Variants in PRKCE observed in about 807,000 individuals in gnomAD.
PRKCE encodes the protein protein kinase C epsilon.
A neutral mutation model predicts 85.4 loss-of-function variants in PRKCE; 16 were observed. The ratio of observed to expected loss-of-function variants is 0.19; its 90% CI spans 0.13 to 0.28. The LOEUF is 0.28. PRKCE is among the 10% of genes least tolerant of loss of function. The probability of loss-of-function intolerance (pLI) is 1.00; values close to 1 mark genes in which losing one functional copy is unlikely to be tolerated. For missense variants in PRKCE, 573 were observed against 975.2 expected (o/e 0.59, Z 5.49); for synonymous variants, 388 against 371.5 (o/e 1.04, Z -0.51).
At chr2:45,917,975 G>T (rs1558832151) in intron 2 of PRKCE, among the ~76,000 whole-genome samples, 1 of 152,186 alleles carries the variant, frequency 6.6e-6, no homozygotes, top group East Asian at 1.9e-4. Flanking sequence ...CGAGTGCGGG[G>T]CCCGCCAAGC....
chr2:45,838,308 C>G (rs906365997), intron 1 of PRKCE, among the ~76,000 whole-genome samples: 4 of 152,214 alleles, frequency 2.6e-5, no homozygotes, highest in Non-Finnish European at 4.4e-5. Flanking sequence ...GACTTGCAAG[C>G]TCTGTTGACC....
chr2:46,138,749 T>C lies in PRKCE; in HGVS notation c.1593-6344T>C, dbSNP rs1424137661. The stretch of plus-strand genomic sequence containing the variant: ...GGGCATACTAATAGCACCTAATGCA[T>C]CTAATGCATAACATCTCATAGCATC... On this transcript the variant is annotated intron_variant, in intron 11 of 14. Transcript: ENST00000306156. This position sits in a 1 kb window ranked among gnomAD's most constrained non-coding sequence, Gnocchi z 4.2. 6.6e-6 allele frequency among the ~76,000 whole-genome samples: 1 copy of C among 152,126 alleles called. No individual in the cohort carries two copies. Among genetic ancestry groups the C allele is most frequent in the Non-Finnish European group, 1.5e-5 (1 of 68,012 alleles).
chr2:45,773,644 A>G (rs13002562), intron 1 of PRKCE, among the ~76,000 whole-genome samples: 100,497 of 152,054 alleles, frequency 0.66, 33,422 homozygotes, highest in East Asian at 0.83. Context: ...GTTTGGGAGC[A>G]TTCTAGAATT....
At chr2:45,911,741 T>C (rs1336767390) in intron 2 of PRKCE, among the ~76,000 whole-genome samples, 1 of 152,204 alleles carries the variant, frequency 6.6e-6, no homozygotes, top group Non-Finnish European at 1.5e-5. Flanking sequence ...AAAGGTGAGC[T>C]GGGCCTGCAT....
chr2:45,894,433 G>A (rs1358882304), intron 2 of PRKCE, among the ~76,000 whole-genome samples: 1 of 151,004 alleles, frequency 6.6e-6, no homozygotes, highest in African/African-American at 2.4e-5. Flanking sequence ...GGGCAAACTA[G>A]ATGGAATGCT....
chr2:45,713,390 A>G (rs1207653912), intron 1 of PRKCE, among the ~76,000 whole-genome samples: 5 of 151,902 alleles, frequency 3.3e-5, no homozygotes, highest in Admixed American at 1.3e-4. Context: ...AGCTGTAAAG[A>G]CTCATTATGT....
intron 11 of PRKCE, among the ~76,000 whole-genome samples, chr2:46,097,507 G>A (rs1270176598): frequency 8.1e-5 from 9 of 111,678 alleles, no homozygotes; most frequent in African/African-American, 1.8e-4. Flanking sequence ...GAGACAGAGC[G>A]AGACTCCGTC....
intron 14 of PRKCE, among the ~76,000 whole-genome samples, chr2:46,175,983 C>T (rs1245430063): frequency 6.6e-6 from 1 of 152,128 alleles, no homozygotes; most frequent in South Asian, 2.1e-4. Context: ...GCTTTAAAAA[C>T]TCACCGTCTG....
At chr2:45,800,276 A>T (rs1186373169) in intron 1 of PRKCE, among the ~76,000 whole-genome samples, 1 of 152,240 alleles carries the variant, frequency 6.6e-6, no homozygotes, top group Non-Finnish European at 1.5e-5. Context: ...GAAAGGACTG[A>T]ACGGGAAAGG....
chr2:46,182,373 C>G (rs1032690423), intron 14 of PRKCE, among the ~76,000 whole-genome samples: 2 of 152,192 alleles, frequency 1.3e-5, no homozygotes, highest in African/African-American at 2.4e-5. Flanking sequence ...GTTTCCCTCT[C>G]AAGCAGGGCC....
rs111495722 is a variant in PRKCE at position 45,901,250 on chromosome 2, C to G, written c.412+58187C>G. Among the ~76,000 whole-genome samples the G allele has an allele frequency of 5.1e-3, 774 of 152,288 alleles. 12 individuals carry two copies. The highest frequency in any genetic ancestry group is 0.018 in the African/African-American group (727 of 41,540). ...CTTACAAAACCGTCTGTGTTGAGTA[C>G]TCCTAATCGGTTGCTTGAGGATTGA... is the stretch of plus-strand genomic sequence containing the variant. On this transcript the variant is annotated intron_variant, in intron 2 of 14. Coordinates refer to ENST00000306156, the MANE Select transcript of PRKCE (RefSeq NM_005400.3).
In PRKCE at chr2:46,004,441, G is replaced by A; in HGVS notation, c.967-101G>A. ...ATCTACTGAATTCCTGCTGCTCTGGGAACTCTCATGGCTCTTATACGGCAT... is the reference window on the plus strand; with the variant it reads ...ATCTACTGAATTCCTGCTGCTCTGGAAACTCTCATGGCTCTTATACGGCAT... On this transcript the variant is annotated intron_variant, in intron 7 of 14. Coordinates refer to ENST00000306156, the MANE Select transcript of PRKCE (RefSeq NM_005400.3). This position sits in a 1 kb window ranked among gnomAD's most constrained non-coding sequence, Gnocchi z 4.1. 2.1e-6 allele frequency: 2 copies of A among 966,048 alleles called. No individual in the cohort carries two copies. Among genetic ancestry groups the A allele is most frequent in the Non-Finnish European group, 3.1e-6 (2 of 635,118 alleles). 59.8% of individuals were successfully genotyped at this position (966,048 alleles called of 1,614,324 possible).
At position 45,663,889 on chromosome 2, in the gene PRKCE, G is replaced by A. The variant is rs552303111; in HGVS notation, c.348+11441G>A. Among the ~76,000 whole-genome samples the A allele has an allele frequency of 1.2e-4, 19 of 152,070 alleles. 1 individual carries two copies. In the South Asian group the frequency reaches 3.9e-3, roughly 32 times the overall value. The stretch of plus-strand genomic sequence containing the variant: ...AGTAGGAATGCACTCCAGAAAAATT[G>A]CCCGATTAAAAAAACAAAAACCAAA... On this transcript the variant is annotated intron_variant, in intron 1 of 14. Transcript: ENST00000306156.
At chr2:46,129,285 A>C (rs879890737) in intron 11 of PRKCE, among the ~76,000 whole-genome samples, 3 of 152,278 alleles carry the variant, frequency 2.0e-5, no homozygotes, top group Admixed American at 2.0e-4. Flanking sequence ...TCTCAGAATG[A>C]TACCTCCCAT....
chr2:45,892,687 G>A (rs999553677), intron 2 of PRKCE, among the ~76,000 whole-genome samples: 9 of 152,272 alleles, frequency 5.9e-5, no homozygotes, highest in African/African-American at 1.4e-4. Context: ...ATGTAGCATC[G>A]TTTGCCAGAG....
At chr2:46,051,018 G>A (rs1708823199) in intron 10 of PRKCE, among the ~76,000 whole-genome samples, 1 of 152,164 alleles carries the variant, frequency 6.6e-6, no homozygotes, top group African/African-American at 2.4e-5. Flanking sequence ...CCCCAAATGA[G>A]AGAGGGAAAG....
chr2:46,115,570 T>C (rs991167935), intron 11 of PRKCE, among the ~76,000 whole-genome samples: 2 of 152,246 alleles, frequency 1.3e-5, no homozygotes, highest in African/African-American at 4.8e-5. Flanking sequence ...AATCTCATGC[T>C]GTGTATATAC....
chr2:45,725,835 A>AAG (rs1235745135), intron 1 of PRKCE, among the ~76,000 whole-genome samples: 2 of 151,912 alleles, frequency 1.3e-5, no homozygotes, highest in Admixed American at 6.6e-5. Context: ...ATCTCAAAAA[A>AAG]AAAACAAAAA....
At chr2:45,773,811 G>T (rs1224353742) in intron 1 of PRKCE, among the ~76,000 whole-genome samples, 1 of 152,130 alleles carries the variant, frequency 6.6e-6, no homozygotes, top group Non-Finnish European at 1.5e-5. Context: ...ATCCAGAGTG[G>T]CCTGCTCTGC....
Sources: gnomAD v4.1 joint callset for allele counts (sites outside exome capture counted in the v4.1 genomes callset) on GRCh38, gnomAD v4.1.1 for gene constraint, Gnocchi (gnomAD v3.1) non-coding constraint, MANE v1.5 for transcripts, NCBI Gene and HGNC (gene_info 2026-07-23, HGNC 2026-07-21) for gene names.